SPATA17: variants seen among roughly 807,000 people sequenced by gnomAD.
SPATA17 encodes the protein spermatogenesis-associated protein 17.
Under a neutral mutation model 62.2 loss-of-function variants are expected in SPATA17, and 53 were observed. The observed-to-expected ratio is 0.85, with a 90% CI of 0.68 to 1.07. SPATA17 has a LOEUF of 1.07. Among genes scored for constraint, SPATA17 ranks in the 50% least tolerant of loss-of-function variants. The pLI, the probability that SPATA17 is intolerant of heterozygous loss-of-function variation, is 0.00. For synonymous variants in SPATA17, 146 were observed against 146.8 expected, an observed-to-expected ratio of 0.99 and a Z score of 0.04; for missense variants, 466 against 425.5, an observed-to-expected ratio of 1.10 and a Z score of -0.84.
intron 9 of SPATA17, among the ~76,000 whole-genome samples, chr1:217,856,273 T>A (rs183757800): frequency 5.5e-4 from 84 of 152,348 alleles, no homozygotes; most frequent in African/African-American, 1.9e-3. Flanking sequence ...ACTTGCTATG[T>A]GCTGGACACT....
chr1:217,719,055 T>G (rs745748450), intron 5 of SPATA17, among the ~76,000 whole-genome samples: 14 of 152,230 alleles, frequency 9.2e-5, no homozygotes, highest in Admixed American at 3.3e-4. Flanking sequence ...CTTGGCCAGC[T>G]GTGACCTGCC....
intron 8 of SPATA17, among the ~76,000 whole-genome samples, chr1:217,782,835 A>T (rs1029652444): frequency 6.6e-6 from 1 of 151,670 alleles, no homozygotes; most frequent in Non-Finnish European, 1.5e-5. Context: ...TTTTTTTAGC[A>T]TCATGGATTT....
intron 9 of SPATA17, among the ~76,000 whole-genome samples, chr1:217,808,077 T>C (rs1366521721): frequency 6.6e-6 from 1 of 152,166 alleles, no homozygotes; most frequent in African/African-American, 2.4e-5. Context: ...ATACGTTCTA[T>C]ATAGTGACAA....
intron 10 of SPATA17, among the ~76,000 whole-genome samples, chr1:217,864,951 G>T (rs777816033): frequency 1.5e-4 from 23 of 151,698 alleles, no homozygotes; most frequent in African/African-American, 4.4e-4. Flanking sequence ...ATATGTTATG[G>T]TTTTTTTTAA....
chr1:217,713,905 G>T (rs1046058801), intron 5 of SPATA17, among the ~76,000 whole-genome samples: 1 of 152,190 alleles, frequency 6.6e-6, no homozygotes, highest in Non-Finnish European at 1.5e-5. Flanking sequence ...AAGTTTCTCA[G>T]TTGGACTGCA....
At chr1:217,864,911 T>C (rs1291894689) in intron 10 of SPATA17, among the ~76,000 whole-genome samples, 1 of 151,850 alleles carries the variant, frequency 6.6e-6, no homozygotes, top group African/African-American at 2.4e-5. Flanking sequence ...TTATTTTTAA[T>C]TAAAAAGAAT....
At chr1:217,855,425 G>C (rs6658520) in intron 9 of SPATA17, among the ~76,000 whole-genome samples, 7,106 of 152,134 alleles carry the variant, frequency 0.047, 544 homozygotes, top group African/African-American at 0.16. Flanking sequence ...CTTTTATTTA[G>C]ATGACATGTT....
At chr1:217,773,256 A>C (rs1015282972) in intron 6 of SPATA17, among the ~76,000 whole-genome samples, 2 of 152,184 alleles carry the variant, frequency 1.3e-5, no homozygotes, top group Non-Finnish European at 2.9e-5. Flanking sequence ...ATGTTTATAG[A>C]TATGTTGATG....
chr1:217,864,207 G>A (rs182251914), intron 10 of SPATA17, among the ~76,000 whole-genome samples: 45 of 152,262 alleles, frequency 3.0e-4, no homozygotes, highest in African/African-American at 1.0e-3. Flanking sequence ...AGAGTATGAA[G>A]TAATGTAAAT....
intron 5 of SPATA17, among the ~76,000 whole-genome samples, chr1:217,725,883 TTCA>T: frequency 6.6e-6 from 1 of 152,356 alleles, no homozygotes; most frequent in East Asian, 1.9e-4. Flanking sequence ...TTAAAAAATG[TTCA>T]TCAGTAAATT....
chr1:217,700,476 T>C (rs1432271542), intron 5 of SPATA17, among the ~76,000 whole-genome samples: 5 of 152,246 alleles, frequency 3.3e-5, no homozygotes, highest in Admixed American at 6.5e-5. Flanking sequence ...TCAGTATTTA[T>C]GTTTTGACAA....
chr1:217,841,805 TAA>T (rs139811490), intron 9 of SPATA17, among the ~76,000 whole-genome samples: 9,457 of 151,314 alleles, frequency 0.062, 375 homozygotes, highest in East Asian at 0.12. Flanking sequence ...TCCTACATAT[TAA>T]ATTAAATTAA....
At position 217,746,361 on chromosome 1, in the gene SPATA17, A is replaced by G. The variant is rs192425028; in HGVS notation, c.519+4263A>G. On this transcript the variant is annotated intron_variant, in intron 6 of 10. Coordinates refer to ENST00000366933, the MANE Select transcript of SPATA17 (RefSeq NM_138796.4). The stretch of plus-strand genomic sequence containing the variant: ...GGGACATTATTTATATTGATGATTT[A>G]TATTGGTGATTGGTGATTAGGAATG... Among the ~76,000 whole-genome samples, 285 of 151,942 alleles carry G rather than the reference A, an allele frequency of 1.9e-3. 2 individuals are homozygous for G. The highest frequency in any genetic ancestry group is 0.017 in the Middle Eastern group (4 of 236).
chr1:217,766,520 ATTATAC>A (rs1036891353), intron 6 of SPATA17, among the ~76,000 whole-genome samples: 21 of 152,006 alleles, frequency 1.4e-4, no homozygotes, highest in African/African-American at 3.6e-4. Flanking sequence ...ATTGTCATTT[ATTATAC>A]TTATACATAA....
chr1:217,809,778 A>G (rs1674539204), intron 9 of SPATA17, among the ~76,000 whole-genome samples: 1 of 152,244 alleles, frequency 6.6e-6, no homozygotes, highest in Non-Finnish European at 1.5e-5. Context: ...TGGTGAGAAC[A>G]AACTCAAGCC....
intron 5 of SPATA17, among the ~76,000 whole-genome samples, chr1:217,698,579 T>TAA (rs5780991): frequency 1.4e-5 from 2 of 144,982 alleles, no homozygotes; most frequent in East Asian, 2.1e-4. Context: ...CATGCAGTTA[T>TAA]AAAAAAAAAA....
chr1:217,786,562 A>G (rs1054494968), intron 8 of SPATA17, among the ~76,000 whole-genome samples: 1 of 152,178 alleles, frequency 6.6e-6, no homozygotes, highest in East Asian at 1.9e-4. Context: ...GGTTTATCCT[A>G]TAGGTAATGG....
intron 3 of SPATA17, 149 bp downstream of exon 3, chr1:217,651,327 C>G: frequency 1.7e-6 from 1 of 579,402 alleles, no homozygotes; most frequent in Non-Finnish European, 2.9e-6. Flanking sequence ...AGTATGAGAC[C>G]TATTCTTGAA....
chr1:217,634,844 A>C (rs747543910), intron 1 of SPATA17, among the ~76,000 whole-genome samples: 2 of 152,216 alleles, frequency 1.3e-5, no homozygotes, highest in South Asian at 4.1e-4. Context: ...TCACTGTCTC[A>C]GTTACAGTTT....
Sources: gnomAD v4.1 joint callset for allele counts (sites outside exome capture counted in the v4.1 genomes callset) on GRCh38, gnomAD v4.1.1 for gene constraint, MANE v1.5 for transcripts, NCBI Gene and HGNC (gene_info 2026-07-23, HGNC 2026-07-21) for gene names.